Variants in CNTNAP2 observed in about 807,000 individuals in gnomAD.
CNTNAP2 encodes the protein contactin-associated protein-like 2.
Under a neutral mutation model 155.2 loss-of-function variants are expected in CNTNAP2, and 98 were observed. The observed-to-expected ratio is 0.63, with a 90% CI of 0.54 to 0.75. CNTNAP2 has a LOEUF of 0.75. CNTNAP2 is among the 30% of genes least tolerant of loss of function. CNTNAP2 has a pLI of 0.00. For synonymous variants in CNTNAP2, 651 were observed against 631.2 expected, an observed-to-expected ratio of 1.03 and a Z score of -0.47; for missense variants, 1,727 against 1,688.1, an observed-to-expected ratio of 1.02 and a Z score of -0.40.
intron 9 of CNTNAP2, among the ~76,000 whole-genome samples, chr7:147,349,022 A>G (rs1390473348): frequency 6.6e-6 from 1 of 151,996 alleles, no homozygotes; most frequent in African/African-American, 2.4e-5. Flanking sequence ...AATTTGCTAA[A>G]GGATACAAAA....
chr7:147,886,184 C>A (rs1056364558), intron 13 of CNTNAP2, among the ~76,000 whole-genome samples: 2 of 152,020 alleles, frequency 1.3e-5, no homozygotes, highest in African/African-American at 4.8e-5. Flanking sequence ...ATTAAAGATG[C>A]GGTTCTGGCT....
intron 1 of CNTNAP2, among the ~76,000 whole-genome samples, chr7:146,238,826 C>T (rs531055725): frequency 2.6e-4 from 40 of 152,196 alleles, no homozygotes; most frequent in African/African-American, 8.4e-4. Flanking sequence ...CTTCACAAGG[C>T]GGCAGGAAGA....
At chr7:148,383,963 T>A in intron 22 of CNTNAP2, 75 bp downstream of exon 22, 1 of 1,540,158 alleles carries the variant, frequency 6.5e-7, no homozygotes, top group South Asian at 1.2e-5. Flanking sequence ...TGGAATGGAT[T>A]TAATAACAGA....
chr7:148,157,013 T>G (rs986113411), intron 17 of CNTNAP2, among the ~76,000 whole-genome samples: 2 of 152,204 alleles, frequency 1.3e-5, no homozygotes, highest in African/African-American at 4.8e-5. Context: ...TGGGAACGCT[T>G]CAGCAATGAC....
intron 1 of CNTNAP2, among the ~76,000 whole-genome samples, chr7:146,686,841 G>A (rs1448273215): frequency 2.0e-5 from 3 of 152,068 alleles, no homozygotes; most frequent in Non-Finnish European, 4.4e-5. Flanking sequence ...CAAAGCTTTG[G>A]AACAGATTCA....
intron 1 of CNTNAP2, among the ~76,000 whole-genome samples, chr7:146,753,467 A>T (rs749787455): frequency 6.6e-6 from 1 of 152,008 alleles, no homozygotes; most frequent in African/African-American, 2.4e-5. Context: ...CCAACTGTGT[A>T]TGAAAGTTTA....
At chr7:146,484,459 G>A (rs73741711) in intron 1 of CNTNAP2, among the ~76,000 whole-genome samples, 1 of 152,146 alleles carries the variant, frequency 6.6e-6, no homozygotes, top group African/African-American at 2.4e-5. Flanking sequence ...GTGAGATTTT[G>A]TTTTAAACTT....
chr7:147,410,637 C>T (rs938567355), intron 10 of CNTNAP2, among the ~76,000 whole-genome samples: 5 of 152,148 alleles, frequency 3.3e-5, no homozygotes, highest in Admixed American at 3.3e-4. Flanking sequence ...CTCTCTAATA[C>T]TGCAGCCACT....
intron 13 of CNTNAP2, among the ~76,000 whole-genome samples, chr7:147,878,749 A>G (rs1476744898): frequency 6.6e-6 from 1 of 152,182 alleles, no homozygotes; most frequent in Non-Finnish European, 1.5e-5. Flanking sequence ...AATCCTTTTG[A>G]GAATATTCAA....
At chr7:147,007,206 C>T (rs975445508) in intron 3 of CNTNAP2, among the ~76,000 whole-genome samples, 1 of 152,060 alleles carries the variant, frequency 6.6e-6, no homozygotes, top group Non-Finnish European at 1.5e-5. Flanking sequence ...GGGAAAGTCC[C>T]TATTGAAGTG....
chr7:147,505,210 A>T (rs1584777290), intron 11 of CNTNAP2, among the ~76,000 whole-genome samples: 1 of 152,186 alleles, frequency 6.6e-6, no homozygotes, highest in African/African-American at 2.4e-5. Flanking sequence ...AATAGAATTA[A>T]AATCCAAAGT....
intron 21 of CNTNAP2, among the ~76,000 whole-genome samples, chr7:148,357,361 C>T (rs1011492469): frequency 3.9e-5 from 6 of 152,182 alleles, no homozygotes; most frequent in African/African-American, 1.4e-4. Flanking sequence ...AACCTCTTTC[C>T]TTTATAAATT....
At chr7:148,354,872 G>A (rs1489197723) in intron 21 of CNTNAP2, among the ~76,000 whole-genome samples, 2 of 151,976 alleles carry the variant, frequency 1.3e-5, no homozygotes, top group African/African-American at 2.4e-5. Flanking sequence ...CCCCACCCTG[G>A]GCTCGTGGCG....
rs140377680 is a variant in CNTNAP2 at position 146,753,887 on chromosome 7, T to A, written c.98-20384T>A. On this transcript the variant is annotated intron_variant, in intron 1 of 23. Coordinates refer to ENST00000361727, the MANE Select transcript of CNTNAP2 (RefSeq NM_014141.6). Reference sequence around the variant, plus strand: ...TCCATGCAGACTTGAATATTTGAAATCTTACTATATGAAGATTCAACCTAT... The same window carrying A: ...TCCATGCAGACTTGAATATTTGAAAACTTACTATATGAAGATTCAACCTAT... 3.0e-3 allele frequency among the ~76,000 whole-genome samples: 461 copies of A among 152,156 alleles called. 2 individuals carry two copies. The highest frequency in any genetic ancestry group is 0.011 in the African/African-American group (443 of 41,562).
intron 13 of CNTNAP2, among the ~76,000 whole-genome samples, chr7:147,642,846 C>CTA (rs910771672): frequency 4.6e-5 from 7 of 152,060 alleles, no homozygotes; most frequent in East Asian, 1.9e-4. Flanking sequence ...TTTGGACATT[C>CTA]TATATATATA....
At chr7:147,376,116 T>G (rs759832117) in intron 9 of CNTNAP2, among the ~76,000 whole-genome samples, 1 of 152,164 alleles carries the variant, frequency 6.6e-6, no homozygotes. Flanking sequence ...AATTAAAAGT[T>G]GCATCTGTTA....
intron 15 of CNTNAP2, among the ~76,000 whole-genome samples, chr7:148,072,894 G>C (rs1313914601): frequency 6.6e-6 from 1 of 152,160 alleles, no homozygotes; most frequent in Non-Finnish European, 1.5e-5. Flanking sequence ...TTTTAGTAGA[G>C]ATGGGGTTTT....
intron 15 of CNTNAP2, among the ~76,000 whole-genome samples, chr7:148,068,465 G>A (rs1403698386): frequency 6.6e-6 from 1 of 152,206 alleles, no homozygotes; most frequent in South Asian, 2.1e-4. Flanking sequence ...CCCAGTGAGG[G>A]TATGTGTTCA....
intron 9 of CNTNAP2, among the ~76,000 whole-genome samples, chr7:147,320,449 T>C (rs1363153056): frequency 6.6e-6 from 1 of 152,170 alleles, no homozygotes; most frequent in East Asian, 1.9e-4. Context: ...CCAATATTAG[T>C]ACACAGAAAT....
Sources: gnomAD v4.1 joint callset for allele counts (sites outside exome capture counted in the v4.1 genomes callset) on GRCh38, gnomAD v4.1.1 for gene constraint, MANE v1.5 for transcripts, NCBI Gene and HGNC (gene_info 2026-07-23, HGNC 2026-07-21) for gene names.